Variants in ERC2 observed in about 807,000 individuals in gnomAD.
The protein encoded by ERC2 is ELKS/RAB6-interacting/CAST family member 2.
A neutral mutation model predicts 114.8 loss-of-function variants in ERC2; 42 were observed. The observed-to-expected ratio is 0.37, with a 90% CI of 0.29 to 0.47. The LOEUF (loss-of-function observed/expected upper bound fraction) is 0.47, where lower values mean the gene tolerates loss of function less well. Among genes scored for constraint, ERC2 ranks in the 20% least tolerant of loss-of-function variants. The pLI is 0.99. For synonymous variants in ERC2, 454 were observed against 425.5 expected (o/e 1.07, Z -0.82); for missense variants, 939 against 1,150.7 (o/e 0.82, Z 2.66).
intron 3 of ERC2, among the ~76,000 whole-genome samples, chr3:56,210,562 C>G (rs915144407): frequency 5.9e-5 from 9 of 152,110 alleles, no homozygotes; most frequent in African/African-American, 2.2e-4. Flanking sequence ...TTAGGAAATT[C>G]CACAACTGAA....
rs1013877888 is a variant in ERC2 at position 55,799,366 on chromosome 3, ATATATATATATGCCT to A, written c.2565-64463_2565-64449del. ...ATTCTTCCAGGACCACAATTCTTAT[ATATATATATATGCCT>A]TATATATATATATGCATATATATAT... is the stretch of plus-strand genomic sequence containing the variant. On this transcript the variant is annotated intron_variant, in intron 14 of 17. Coordinates refer to ENST00000288221, the MANE Select transcript of ERC2 (RefSeq NM_015576.3). Among the ~76,000 whole-genome samples the A allele has an allele frequency of 6.7e-4, 94 of 140,532 alleles. 1 individual carries two copies. The South Asian group carries it at 0.021, about 31-fold the overall frequency. 92.2% of individuals were successfully genotyped at this position (140,532 alleles called of 152,430 possible).
chr3:55,749,678 G>C (rs764131095), intron 14 of ERC2, among the ~76,000 whole-genome samples: 1 of 152,134 alleles, frequency 6.6e-6, no homozygotes, highest in African/African-American at 2.4e-5. Context: ...CGGGCACTCC[G>C]ATAGGACAGA....
At position 56,010,574 on chromosome 3, in the gene ERC2, G is replaced by T; in HGVS notation, c.1795C>A (p.Arg599Ser). 2 of 1,612,862 alleles carry T rather than the reference G, an allele frequency of 1.2e-6. No individual in the cohort carries two copies. Among genetic ancestry groups the T allele is most frequent in the South Asian group, 1.1e-5 (1 of 91,012 alleles). The change falls in exon 9 of 18, where the codon CGC (arginine) becomes AGC (serine). Residue 599 changes from arginine (R) to serine (S), a missense_variant. Around this residue, in one of 5 missense-constraint regions of ERC2, gnomAD observed 149 missense variants for 254.6 expected, o/e 0.59. Coordinates refer to ENST00000288221, the MANE Select transcript of ERC2 (RefSeq NM_015576.3). ...ALSEKERIIE[R>S]LKEQRERDDR... ...TCTCTTTCTCGCTGTTCTTTCAAGC[G>T]CTCAATTATTCTCTCCTGTAAGGCA...
rs114875221 is a variant in ERC2, at chr3:55,855,793, A to C, written c.2564+32596T>G. Among the ~76,000 whole-genome samples, 1,007 of 152,356 alleles carry C rather than the reference A, an allele frequency of 6.6e-3. 14 individuals carry two copies. The highest frequency in any genetic ancestry group is 0.023 in the African/African-American group (962 of 41,584). On this transcript the variant is annotated intron_variant, in intron 14 of 17. Coordinates refer to ENST00000288221, the MANE Select transcript of ERC2 (RefSeq NM_015576.3). ...TCAGAGATATAAAAGCAAATGCTAG[A>C]ATGCCTTATTTCCCTTCCCATGGGA...
intron 2 of ERC2, among the ~76,000 whole-genome samples, chr3:56,371,639 C>A (rs1419901206): frequency 1.3e-5 from 2 of 152,218 alleles, no homozygotes; most frequent in Non-Finnish European, 2.9e-5. Flanking sequence ...ATAAAGAGGG[C>A]CACTTTTCAG....
chr3:56,149,236 A>G, intron 4 of ERC2, 104 bp from the exon 5 acceptor site: 1 of 1,109,006 alleles, frequency 9.0e-7, no homozygotes, highest in South Asian at 1.7e-5. Context: ...GCTGTCACAT[A>G]TTAACCATGG....
At chr3:56,170,220 T>C (rs2082557947) in intron 4 of ERC2, among the ~76,000 whole-genome samples, 1 of 152,228 alleles carries the variant, frequency 6.6e-6, no homozygotes, top group African/African-American at 2.4e-5. Context: ...CTTCCTTTCA[T>C]TTTTCATTAG....
chr3:55,968,417 T>C (rs1214735594), intron 12 of ERC2, among the ~76,000 whole-genome samples: 1 of 152,184 alleles, frequency 6.6e-6, no homozygotes, highest in Non-Finnish European at 1.5e-5. Flanking sequence ...CTGAAGGCAT[T>C]TCCTGGGCAA....
chr3:56,425,064 T>C (rs375922266), intron 2 of ERC2, among the ~76,000 whole-genome samples: 2 of 152,284 alleles, frequency 1.3e-5, no homozygotes, highest in African/African-American at 4.8e-5. Flanking sequence ...GTCAAGGCAA[T>C]TGACATCTGT....
At chr3:55,797,349 C>CGA (rs1196316716) in intron 14 of ERC2, among the ~76,000 whole-genome samples, 1 of 152,130 alleles carries the variant, frequency 6.6e-6, no homozygotes, top group African/African-American at 2.4e-5. Flanking sequence ...TTTGTACAAC[C>CGA]GAGAGACTCA....
intron 16 of ERC2, among the ~76,000 whole-genome samples, chr3:55,697,871 C>T (rs2063016337): frequency 6.6e-6 from 1 of 151,754 alleles, no homozygotes; most frequent in Non-Finnish European, 1.5e-5. Flanking sequence ...TCATACTCAC[C>T]CTATCTGGGA....
chr3:55,910,956 C>CCAG (rs555708958), intron 13 of ERC2, among the ~76,000 whole-genome samples: 18 of 152,308 alleles, frequency 1.2e-4, no homozygotes, highest in Middle Eastern at 3.4e-3. Flanking sequence ...TGGCACTATG[C>CCAG]CAGGGATGAG....
intron 17 of ERC2, among the ~76,000 whole-genome samples, chr3:55,578,478 G>A (rs573605544): frequency 5.3e-5 from 8 of 152,230 alleles, no homozygotes; most frequent in Admixed American, 2.0e-4. Context: ...TTTACTCAGC[G>A]TTTTATCTAA....
chr3:55,631,780 C>G (rs76649773), intron 17 of ERC2, among the ~76,000 whole-genome samples: 3,150 of 152,312 alleles, frequency 0.021, 44 homozygotes, highest in Middle Eastern at 0.065. Context: ...CAAATCCACA[C>G]TGTTGGCTTC....
intron 2 of ERC2, among the ~76,000 whole-genome samples, chr3:56,369,680 C>CT (rs564407366): frequency 0.028 from 4,031 of 144,518 alleles, 59 homozygotes; most frequent in African/African-American, 0.039. Context: ...CTGGATACTA[C>CT]TTTTTTTTTT....
intron 17 of ERC2, among the ~76,000 whole-genome samples, chr3:55,521,674 A>ATGT: frequency 6.6e-6 from 1 of 152,232 alleles, no homozygotes; most frequent in Non-Finnish European, 1.5e-5. Context: ...ATCTTCAGAC[A>ATGT]TCTTGCCAGG....
At chr3:56,426,629 C>T (rs2061579709) in intron 2 of ERC2, among the ~76,000 whole-genome samples, 2 of 152,276 alleles carry the variant, frequency 1.3e-5, no homozygotes, top group South Asian at 2.1e-4. Context: ...TTTAGTTGTA[C>T]ATTTGGCATC....
chr3:56,277,765 AT>A (rs2054097833), intron 3 of ERC2, among the ~76,000 whole-genome samples: 1 of 143,210 alleles, frequency 7.0e-6, no homozygotes, highest in South Asian at 2.3e-4. Context: ...AAAAAAAAAA[AT>A]TAGTATAAAC....
intron 17 of ERC2, among the ~76,000 whole-genome samples, chr3:55,608,264 G>A (rs965627208): frequency 6.6e-6 from 1 of 152,160 alleles, no homozygotes; most frequent in African/African-American, 2.4e-5. Flanking sequence ...CAGAGCAAGC[G>A]GCGTTTTTAG....
Sources: allele counts gnomAD v4.1 joint callset (sites outside exome capture counted in the v4.1 genomes callset), GRCh38; gene constraint gnomAD v4.1.1; regional missense constraint gnomAD v4.1.1; transcripts MANE v1.5; gene names NCBI Gene and HGNC (gene_info 2026-07-23, HGNC 2026-07-21).